Variants in DAGLA observed in about 807,000 individuals in gnomAD.
The protein encoded by DAGLA is diacylglycerol lipase-alpha.
A neutral mutation model predicts 102.6 loss-of-function variants in DAGLA; 22 were observed. The observed-to-expected ratio is 0.21, with a 90% confidence interval of 0.15 to 0.31. DAGLA has a LOEUF of 0.31. Among genes scored for constraint, DAGLA ranks in the 10% least tolerant of loss-of-function variants. DAGLA has a pLI of 1.00. For synonymous variants in DAGLA, 578 were observed against 628.9 expected (o/e 0.92, Z 1.21); for missense variants, 927 against 1,446.6 (o/e 0.64, Z 5.83).
intron 5 of DAGLA, among the ~76,000 whole-genome samples, chr11:61,724,420 C>G (rs2065307734): frequency 6.6e-6 from 1 of 152,206 alleles, no homozygotes; most frequent in Non-Finnish European, 1.5e-5. Flanking sequence ...GAGATCCATT[C>G]TACAGATGAG....
chr11:61,738,144 C>T lies in DAGLA; in HGVS notation c.1593C>T (p.Leu531=). The part of the protein sequence containing the change: ...LGKDLVPRIG[L]SQLEGFRRQL... ...CTCGTTCCCTCCCCAGGATTGGCCTCTCTCAGCTGGAAGGCTTCCGCAGAC... is the reference window on the plus strand; with the variant it reads ...CTCGTTCCCTCCCCAGGATTGGCCTTTCTCAGCTGGAAGGCTTCCGCAGAC... Residue 531 remains leucine, a synonymous_variant, in exon 16 of 20, where the codon CTC becomes CTT. Coordinates refer to ENST00000257215, the MANE Select transcript of DAGLA (RefSeq NM_006133.3). 2 of 1,613,698 alleles carry T rather than the reference C, an allele frequency of 1.2e-6. No homozygotes were observed. Among genetic ancestry groups the T allele is most frequent in the Middle Eastern group, 1.6e-4 (1 of 6,062 alleles).
intron 9 of DAGLA, among the ~76,000 whole-genome samples, chr11:61,733,589 G>C (rs2065395995): frequency 6.6e-6 from 1 of 152,242 alleles, no homozygotes; most frequent in African/African-American, 2.4e-5. Flanking sequence ...TGCCTTAGCA[G>C]TTGGATGCTG....
intron 1 of DAGLA, among the ~76,000 whole-genome samples, chr11:61,700,204 C>T (rs550779635): frequency 7.0e-4 from 107 of 152,250 alleles, no homozygotes; most frequent in Middle Eastern, 6.8e-3. Context: ...GTGGGGGTGA[C>T]GGGATGCATC....
At chr11:61,724,458 A>G (rs1476742277) in intron 5 of DAGLA, among the ~76,000 whole-genome samples, 2 of 152,160 alleles carry the variant, frequency 1.3e-5, no homozygotes, top group Non-Finnish European at 2.9e-5. Context: ...AGGGCAGGTC[A>G]CCTGCCGTGG....
rs1172823789 is a variant in DAGLA at position 61,737,339 on chromosome 11, GC to G, written c.1514+16del. On this transcript the variant is annotated intron_variant, in intron 14 of 19. Coordinates refer to ENST00000257215, the MANE Select transcript of DAGLA (RefSeq NM_006133.3). ...GGCCTGCTGAGGTGAGCCATCTGGG[GC>G]TTCAGAGTTGGCTGGGGCAGTTGGG... 6.2e-7 allele frequency: 1 copy of G among 1,608,860 alleles called. No individual in the cohort carries two copies. Among genetic ancestry groups the G allele is most frequent in the African/African-American group, 1.3e-5 (1 of 75,068 alleles).
At chr11:61,701,420 C>T (rs2065109459) in intron 1 of DAGLA, among the ~76,000 whole-genome samples, 1 of 152,152 alleles carries the variant, frequency 6.6e-6, no homozygotes, top group Non-Finnish European at 1.5e-5. Flanking sequence ...GGGAAGCTGC[C>T]GAGGCTCGGG....
At position 61,734,027 on chromosome 11, in the gene DAGLA, G is replaced by A. The variant is rs374044494; in HGVS notation, c.975-822G>A. 4.5e-4 allele frequency among the ~76,000 whole-genome samples: 68 copies of A among 152,270 alleles called. No individual in the cohort carries two copies. The highest frequency in any genetic ancestry group is 1.4e-3 in the African/African-American group (59 of 41,562). Reference sequence around the variant, plus strand: ...CAGAGCCAGGTGGGGTAGACAGGGCGTTGCTGTAGGGTCTTAAAAAGAAAA... The same window carrying A: ...CAGAGCCAGGTGGGGTAGACAGGGCATTGCTGTAGGGTCTTAAAAAGAAAA... On this transcript the variant is annotated intron_variant, in intron 9 of 19. Transcript: ENST00000257215. This position sits in a 1 kb window ranked among gnomAD's most constrained non-coding sequence, Gnocchi z 4.2.
At chr11:61,687,183 C>T (rs2064992182) in intron 1 of DAGLA, among the ~76,000 whole-genome samples, 1 of 152,170 alleles carries the variant, frequency 6.6e-6, no homozygotes, top group African/African-American at 2.4e-5. Flanking sequence ...CTTGCATCAC[C>T]TGCTCAGGGA....
chr11:61,694,631 T>G (rs1191403118), intron 1 of DAGLA, among the ~76,000 whole-genome samples: 4 of 152,206 alleles, frequency 2.6e-5, no homozygotes, highest in African/African-American at 4.8e-5. Context: ...TGCCAGGCTT[T>G]GTGTCTGATA....
intron 1 of DAGLA, among the ~76,000 whole-genome samples, chr11:61,702,124 A>G (rs566894396): frequency 6.6e-6 from 1 of 151,686 alleles, no homozygotes; most frequent in Admixed American, 6.6e-5. Flanking sequence ...CTAGTTTCGA[A>G]CTCCTGGCCT....
chr11:61,696,588 G>T (rs978129876), intron 1 of DAGLA, among the ~76,000 whole-genome samples: 3 of 151,910 alleles, frequency 2.0e-5, no homozygotes, highest in Non-Finnish European at 4.4e-5. Context: ...TGGGCGACCC[G>T]GGGTTGGGGG....
Position 61,743,772 on chromosome 11 carries a change from G to C in DAGLA, c.2412G>C (p.Arg804=). The change falls in exon 20 of 20, where the codon CGG becomes CGC. Residue 804 remains arginine, a synonymous_variant. Transcript: ENST00000257215. ...GCTCCTCAGGCTTCCGCAGCATCCG[G>C]GGCTCCCCCAGCCTCCACGCTGTGC... ...SRRSSGFRSI[R]GSPSLHAVLE... is the part of the protein sequence containing the mutation. The C allele has an allele frequency of 6.2e-7, 1 of 1,612,506 alleles. No homozygotes were observed. The highest frequency in any genetic ancestry group is 8.5e-7 in the Non-Finnish European group (1 of 1,179,930).
In DAGLA at chr11:61,728,261, G is replaced by A; in HGVS notation, c.745G>A (p.Ala249Thr). 6.2e-7 allele frequency: 1 copy of A among 1,613,242 alleles called. No homozygotes were observed. The highest frequency in any genetic ancestry group is 8.5e-7 in the Non-Finnish European group (1 of 1,179,998). The change falls in exon 7 of 20, where the codon GCC (alanine) becomes ACC (threonine). Residue 249 changes from alanine (A) to threonine (T), a missense_variant. Coordinates refer to ENST00000257215, the MANE Select transcript of DAGLA (RefSeq NM_006133.3). The stretch of plus-strand genomic sequence containing the variant: ...GGTGCTGCTCCGGCAGCGGCAGCGG[G>A]CCAAGCGCAACGCCGTGCTGGACGA... The part of the protein sequence containing the change: ...GLVLLRQRQR[A>T]KRNAVLDEAN...
chr11:61,695,438 G>A (rs186224032), intron 1 of DAGLA, among the ~76,000 whole-genome samples: 25 of 152,316 alleles, frequency 1.6e-4, no homozygotes, highest in African/African-American at 6.0e-4. Context: ...AGAAGCTCCT[G>A]CCTAAGGGCC....
At chr11:61,709,720 G>A (rs949120716) in intron 1 of DAGLA, among the ~76,000 whole-genome samples, 40 of 152,270 alleles carry the variant, frequency 2.6e-4, no homozygotes, top group African/African-American at 8.2e-4. Context: ...GTGGGGGCAG[G>A]GGATGTTGGC....
At chr11:61,689,911 C>T (rs913465392) in intron 1 of DAGLA, among the ~76,000 whole-genome samples, 2 of 152,196 alleles carry the variant, frequency 1.3e-5, no homozygotes, top group African/African-American at 4.8e-5. Flanking sequence ...TCTCCCCGCA[C>T]AAAGCCCCTC....
chr11:61,703,671 A>T (rs1254176321), intron 1 of DAGLA, among the ~76,000 whole-genome samples: 2 of 124,256 alleles, frequency 1.6e-5, no homozygotes, highest in Non-Finnish European at 3.4e-5. Flanking sequence ...TAGATGGAGG[A>T]TGGAGGAATG....
At position 61,735,601 on chromosome 11, in the gene DAGLA, A is replaced by G. The variant is rs544853822; in HGVS notation, c.1169A>G (p.Lys390Arg). Residue 390 changes from lysine to arginine, a missense_variant, in exon 11 of 20, where the codon AAG (lysine) becomes AGG (arginine). Transcript: ENST00000257215. Reference sequence around the variant, plus strand: ...TTCTACGTGGCGGTGGACCATGACAAGAAGAAAGTGGTGATCAGTATCCGG... The same window carrying G: ...TTCTACGTGGCGGTGGACCATGACAGGAAGAAAGTGGTGATCAGTATCCGG... ...TPFYVAVDHD[K>R]KKVVISIRGT... 5 of 1,614,070 alleles carry G rather than the reference A, an allele frequency of 3.1e-6. No individual in the cohort carries two copies. Among genetic ancestry groups the G allele is most frequent in the Non-Finnish European group, 2.5e-6 (3 of 1,179,950 alleles).
At chr11:61,699,215 A>G (rs2065090456) in intron 1 of DAGLA, among the ~76,000 whole-genome samples, 1 of 152,208 alleles carries the variant, frequency 6.6e-6, no homozygotes, top group African/African-American at 2.4e-5. Context: ...CTGGTAGAAT[A>G]GAACTGGACC....
Sources: gnomAD v4.1 joint callset for allele counts (sites outside exome capture counted in the v4.1 genomes callset) on GRCh38, gnomAD v4.1.1 for gene constraint, Gnocchi (gnomAD v3.1) non-coding constraint, MANE v1.5 for transcripts, NCBI Gene and HGNC (gene_info 2026-07-23, HGNC 2026-07-21) for gene names.